NRXN2: variants seen among roughly 807,000 people sequenced by gnomAD.
NRXN2 encodes neurexin-2-beta.
Under a neutral mutation model 128.8 loss-of-function variants are expected in NRXN2, and 29 were observed. The ratio of observed to expected loss-of-function variants is 0.23; its 90% CI spans 0.17 to 0.31. NRXN2 has a LOEUF of 0.31. Among genes scored for constraint, NRXN2 ranks in the 10% least tolerant of loss-of-function variants. The pLI, the probability that NRXN2 is intolerant of heterozygous loss-of-function variation, is 1.00. For synonymous variants in NRXN2, 1,098 were observed against 1,075.2 expected (o/e 1.02, Z -0.41); for missense variants, 1,881 against 2,452.6 (o/e 0.77, Z 4.92).
intron 22 of NRXN2, among the ~76,000 whole-genome samples, chr11:64,619,528 A>G (rs1322766567): frequency 6.6e-6 from 1 of 152,048 alleles, no homozygotes; most frequent in Non-Finnish European, 1.5e-5. Flanking sequence ...CTCCAGCAAG[A>G]AGTATCAAGC....
chr11:64,676,965 A>G (rs1263917441), intron 7 of NRXN2, 28 bp downstream of exon 7: 1 of 1,607,062 alleles, frequency 6.2e-7, no homozygotes, highest in East Asian at 2.2e-5. Context: ...GGCAAACCAA[A>G]CGGTAAGACA....
At chr11:64,710,512 T>C (rs950719955) in intron 2 of NRXN2, among the ~76,000 whole-genome samples, 1 of 152,156 alleles carries the variant, frequency 6.6e-6, no homozygotes, top group Non-Finnish European at 1.5e-5. Flanking sequence ...AAGGTGCCTC[T>C]GGCTGCATTT....
intron 2 of NRXN2, 127 bp from the exon 3 acceptor site, chr11:64,697,919 T>A: frequency 9.3e-7 from 1 of 1,075,870 alleles, no homozygotes; most frequent in Non-Finnish European, 1.4e-6. Context: ...GGCCCTGACA[T>A]GAGTCACCCA....
Position 64,615,516 on chromosome 11 carries a change from A to C in NRXN2, c.4252+4778T>G, listed in dbSNP as rs143718440. ...TGAGGGTCTCATTCATGTGTGCATGAGGGCAATGCTTCAGGAGGGATGCTT... is the reference window on the plus strand; with the variant it reads ...TGAGGGTCTCATTCATGTGTGCATGCGGGCAATGCTTCAGGAGGGATGCTT... On this transcript the variant is annotated intron_variant, in intron 22 of 22. Transcript: ENST00000265459. Among the ~76,000 whole-genome samples the C allele has an allele frequency of 2.0e-3, 310 of 152,296 alleles. 1 individual carries two copies. Among genetic ancestry groups the C allele is most frequent in the African/African-American group, 7.1e-3 (295 of 41,550 alleles).
chr11:64,619,073 C>T (rs1218589733), intron 22 of NRXN2, among the ~76,000 whole-genome samples: 1 of 152,112 alleles, frequency 6.6e-6, no homozygotes, highest in African/African-American at 2.4e-5. Flanking sequence ...CTGGGAGGCC[C>T]CCAGGCCAGA....
rs1050801973 is a variant in NRXN2 at position 64,630,690 on chromosome 11, G to A, written c.3586-117C>T. ...CGCAGCACTTAAGGCACCTTTCCCA[G>A]GTCTCAACCGCTGGAGGAGGTGGGC... On this transcript the variant is annotated intron_variant, in intron 18 of 22. Coordinates refer to ENST00000265459, the MANE Select transcript of NRXN2 (RefSeq NM_015080.4). The surrounding 1 kb of genome is among the most constrained non-coding windows in gnomAD (Gnocchi z 4.6). The A allele has an allele frequency of 1.7e-6, 2 of 1,199,010 alleles. No individual in the cohort carries two copies. The highest frequency in any genetic ancestry group is 3.0e-5 in the African/African-American group (2 of 66,554). The allele number at this position is 1,199,010 out of a possible 1,614,324, so 74.3% of individuals were successfully genotyped here.
At chr11:64,624,360 C>T (rs2042807121) in intron 20 of NRXN2, among the ~76,000 whole-genome samples, 1 of 152,206 alleles carries the variant, frequency 6.6e-6, no homozygotes, top group South Asian at 2.1e-4. Context: ...TCTCCCCAGC[C>T]CCCCACTCAG....
At position 64,713,499 on chromosome 11, in the gene NRXN2, G is replaced by C. The variant is rs774303486; in HGVS notation, c.201C>G (p.Leu67=). The change falls in exon 2 of 23, where the codon CTC becomes CTG. Residue 67 remains leucine, a synonymous_variant. Coordinates refer to ENST00000265459, the MANE Select transcript of NRXN2 (RefSeq NM_015080.4). The stretch of plus-strand genomic sequence containing the variant: ...CGCAGTCGCCGCCGTCGTCCAGGTA[G>C]AGCAGCAGCGCGCGCGTGGCGTTGG... The part of the protein sequence containing the change: ...LRTNATRALL[L]YLDDGGDCDF... The C allele has an allele frequency of 3.9e-6, 6 of 1,522,124 alleles. No individual in the cohort carries two copies. The highest frequency in any genetic ancestry group is 2.8e-5 in the African/African-American group (2 of 70,254). The allele number at this position is 1,522,124 out of a possible 1,614,324, so 94.3% of individuals were successfully genotyped here.
chr11:64,620,142 A>G (rs964998033), intron 22 of NRXN2, 152 bp downstream of exon 22: 2 of 676,798 alleles, frequency 3.0e-6, no homozygotes, highest in African/African-American at 1.8e-5. Context: ...CAGCTGAGGG[A>G]CTGGGAGGAT....
chr11:64,720,168 C>A (rs2057398597), intron 1 of NRXN2, among the ~76,000 whole-genome samples: 1 of 152,230 alleles, frequency 6.6e-6, no homozygotes, highest in South Asian at 2.1e-4. Flanking sequence ...CCCCACCATG[C>A]CAAACAGTGG....
intron 17 of NRXN2, chr11:64,643,142 A>T (rs2046012670): frequency 4.2e-6 from 4 of 959,560 alleles, no homozygotes; most frequent in African/African-American, 2.0e-5. Flanking sequence ...TGCCGAGTGG[A>T]GAGGGAGGGG....
intron 2 of NRXN2, among the ~76,000 whole-genome samples, chr11:64,707,379 C>T (rs894862854): frequency 1.6e-4 from 24 of 148,134 alleles, no homozygotes; most frequent in African/African-American, 5.8e-4. Context: ...AGCGAGACTC[C>T]GTCTCAAAAA....
At chr11:64,613,737 A>G (rs1379291051) in intron 22 of NRXN2, among the ~76,000 whole-genome samples, 1 of 152,218 alleles carries the variant, frequency 6.6e-6, no homozygotes, top group Non-Finnish European at 1.5e-5. Flanking sequence ...TGTTACAGAA[A>G]CAAATGTTAC....
At chr11:64,718,095 C>T (rs2057345023) in intron 1 of NRXN2, among the ~76,000 whole-genome samples, 1 of 152,172 alleles carries the variant, frequency 6.6e-6, no homozygotes, top group Non-Finnish European at 1.5e-5. Flanking sequence ...GAACCAAAGT[C>T]GCTGGCCTTC....
In NRXN2 at chr11:64,651,278, G is replaced by C; in HGVS notation, c.2895C>G (p.Phe965Leu). Reference protein sequence around the residue: ...LLFNSGNGNDFIVIELVKGYI... With the variant: ...LLFNSGNGNDLIVIELVKGYI... ...ACCCCTTGACCAGCTCGATGACAAT[G>C]AAGTCATTGCCGTTGCCCGAGTTGA... The change falls in exon 14 of 23, where the codon TTC becomes TTG. Residue 965 changes from phenylalanine to leucine, a missense_variant. Phe to Leu is a conservative substitution (Grantham distance 22). Transcript: ENST00000265459. This position sits in a 1 kb window ranked among gnomAD's most constrained non-coding sequence, Gnocchi z 5.9. 6.2e-7 allele frequency: 1 copy of C among 1,614,192 alleles called. No homozygotes were observed. Among genetic ancestry groups the C allele is most frequent in the Non-Finnish European group, 8.5e-7 (1 of 1,180,040 alleles).
chr11:64,672,088 A>G (rs927852359), intron 7 of NRXN2, among the ~76,000 whole-genome samples: 5 of 152,162 alleles, frequency 3.3e-5, no homozygotes, highest in African/African-American at 1.2e-4. Flanking sequence ...GCCCTGGAAG[A>G]GTTGTGTCCA....
chr11:64,607,678 G>C lies in NRXN2; in HGVS notation c.4657C>G (p.Pro1553Ala), dbSNP rs993867587. Residue 1553 changes from proline to alanine, a missense_variant, in exon 23 of 23, where the codon CCC becomes GCC. By Grantham distance (27) the Pro-to-Ala change is conservative. Transcript: ENST00000265459. ...ATGAPGVLFA[P>A]SAPAPNLPAG... ...GGCAGGTTGGGGGCCGGGGCGGAGG[G>C]GGCAAACAGCACCCCAGGGGCGCCC... 3.3e-6 allele frequency: 5 copies of C among 1,534,470 alleles called. No homozygotes were observed. Among genetic ancestry groups the C allele is most frequent in the Non-Finnish European group, 4.4e-6 (5 of 1,136,982 alleles).
intron 17 of NRXN2, among the ~76,000 whole-genome samples, chr11:64,643,690 G>A (rs1247334164): frequency 6.6e-6 from 1 of 151,662 alleles, no homozygotes; most frequent in African/African-American, 2.4e-5. Context: ...GGCGGCGCTG[G>A]GCAGCTCAGC....
chr11:64,703,279 A>G (rs1425020695), intron 2 of NRXN2, among the ~76,000 whole-genome samples: 1 of 152,208 alleles, frequency 6.6e-6, no homozygotes, highest in East Asian at 1.9e-4. Flanking sequence ...TGAGTGAATA[A>G]TAAAAATAAC....
Sources: allele counts gnomAD v4.1 joint callset (sites outside exome capture counted in the v4.1 genomes callset), GRCh38; gene constraint gnomAD v4.1.1; non-coding constraint Gnocchi (gnomAD v3.1); transcripts MANE v1.5; gene names NCBI Gene and HGNC (gene_info 2026-07-23, HGNC 2026-07-21).